ZNF106: variants seen among roughly 807,000 people sequenced by gnomAD.
ZNF106 encodes zinc finger protein 106.
Under a neutral mutation model 195.1 loss-of-function variants are expected in ZNF106, and 67 were observed. That is an observed-to-expected ratio of 0.34 (90% CI 0.28 to 0.42). The LOEUF (loss-of-function observed/expected upper bound fraction) is 0.42. Among genes scored for constraint, ZNF106 ranks in the 10% least tolerant of loss-of-function variants. The pLI, the probability that ZNF106 is intolerant of heterozygous loss-of-function variation, is 1.00. For synonymous variants in ZNF106, 784 were observed against 818.6 expected (o/e 0.96, Z 0.72); for missense variants, 2,118 against 2,304.5 (o/e 0.92, Z 1.66).
chr15:42,449,561 C>T (rs1241601463), intron 5 of ZNF106, among the ~76,000 whole-genome samples: 1 of 152,148 alleles, frequency 6.6e-6, no homozygotes, highest in African/African-American at 2.4e-5. Context: ...AGGTGTGCTT[C>T]CATTTTAACC....
At position 42,415,681 on chromosome 15, in the gene ZNF106, A is replaced by C; in HGVS notation, c.*1623T>G. On this transcript the variant is annotated 3_prime_UTR_variant, in exon 22 of 22. Coordinates refer to ENST00000564754, the MANE Select transcript of ZNF106 (RefSeq NM_001366845.3). The stretch of plus-strand genomic sequence containing the variant: ...CAGAGAGCATGAGGCACCATGTCCC[A>C]AAGCTTGGTATGTGGCCCTGGGCTC... 4.4e-6 allele frequency: 1 copy of C among 226,748 alleles called. No individual in the cohort carries two copies. The highest frequency in any genetic ancestry group is 4.9e-5 in the South Asian group (1 of 20,604). The allele number at this position is 226,748 out of a possible 1,614,324, so 14.0% of individuals were successfully genotyped here. A position where few individuals can be genotyped will look rare whatever the true frequency, so the allele number is the denominator to read the frequency against.
intron 20 of ZNF106, among the ~76,000 whole-genome samples, chr15:42,418,155 C>A (rs369255079): frequency 4.6e-5 from 7 of 152,246 alleles, no homozygotes; most frequent in African/African-American, 1.4e-4. Flanking sequence ...CTGGAAAAAT[C>A]TTTTGATATT....
intron 1 of ZNF106, among the ~76,000 whole-genome samples, chr15:42,487,956 C>G (rs1359173587): frequency 6.6e-6 from 1 of 152,074 alleles, no homozygotes; most frequent in African/African-American, 2.4e-5. Context: ...TGTTAAAGAC[C>G]CTTATATGAA....
Position 42,444,849 on chromosome 15 carries a change from C to T in ZNF106, c.3338G>A (p.Arg1113Lys), listed in dbSNP as rs533733453. The T allele has an allele frequency of 1.9e-6, 3 of 1,614,060 alleles. No homozygotes were observed. The South Asian group carries it at 3.3e-5, about 18-fold the overall frequency. ...ALQTAYVEVQ[R>K]LLMLKQQITM... ...TACCTGCTGCTTGAGCATAAGTAGC[C>T]TCTGAACTTCCACATAAGCTGTCTG... is the stretch of plus-strand genomic sequence containing the variant. The change falls in exon 8 of 22, where the codon AGG (arginine) becomes AAG (lysine). Residue 1113 changes from arginine (R) to lysine (K), a missense_variant. Arg to Lys is a conservative substitution (Grantham distance 26, BLOSUM62 2). Coordinates refer to ENST00000564754, the MANE Select transcript of ZNF106 (RefSeq NM_001366845.3).
chr15:42,459,864 C>A (rs538416347), intron 3 of ZNF106, among the ~76,000 whole-genome samples: 21 of 151,830 alleles, frequency 1.4e-4, no homozygotes, highest in South Asian at 4.2e-4. Context: ...TACGGTGAAA[C>A]CCCATCTCTA....
At position 42,415,704 on chromosome 15, in the gene ZNF106, C is replaced by A. The variant is rs982260937; in HGVS notation, c.*1600G>T. The A allele has an allele frequency of 4.6e-5, 8 of 175,250 alleles. No individual in the cohort carries two copies. The highest frequency in any genetic ancestry group is 9.1e-5 in the Non-Finnish European group (8 of 88,248). The allele number at this position is 175,250 out of a possible 1,614,324, so 10.9% of individuals were successfully genotyped here. A position where few individuals can be genotyped will look rare whatever the true frequency, so the allele number is the denominator to read the frequency against. On this transcript the variant is annotated 3_prime_UTR_variant, in exon 22 of 22. Transcript: ENST00000564754. Reference sequence around the variant, plus strand: ...CCAAAGCTTGGTATGTGGCCCTGGGCTCCTCCCCCAATTTTATCTCTCTGA... The same window carrying A: ...CCAAAGCTTGGTATGTGGCCCTGGGATCCTCCCCCAATTTTATCTCTCTGA...
chr15:42,437,165 A>T, intron 13 of ZNF106, 67 bp downstream of exon 13: 1 of 1,522,732 alleles, frequency 6.6e-7, no homozygotes, highest in Non-Finnish European at 8.9e-7. Flanking sequence ...TTTATTGTTT[A>T]AAAAAGTATA....
At chr15:42,426,834 A>T (rs1053824539) in intron 15 of ZNF106, among the ~76,000 whole-genome samples, 2 of 152,236 alleles carry the variant, frequency 1.3e-5, no homozygotes, top group Admixed American at 1.3e-4. Flanking sequence ...AATCAGACTT[A>T]GAACTTGTCT....
At chr15:42,485,843 C>T (rs1438932549) in intron 1 of ZNF106, among the ~76,000 whole-genome samples, 1 of 152,148 alleles carries the variant, frequency 6.6e-6, no homozygotes, top group Non-Finnish European at 1.5e-5. Context: ...AGCCAGTGCT[C>T]CTTAAAATTT....
At chr15:42,452,846 C>T (rs762297295) in intron 4 of ZNF106, among the ~76,000 whole-genome samples, 9 of 151,686 alleles carry the variant, frequency 5.9e-5, no homozygotes, top group Admixed American at 1.3e-4. Context: ...CCACCACACC[C>T]GGCTAATTTT....
Position 42,439,809 on chromosome 15 carries a change from C to G in ZNF106, c.3768G>C (p.Glu1256Asp), listed in dbSNP as rs1019207150. The part of the protein sequence containing the change: ...VSKELLEANR[E>D]ISDSCPVYPV... ...GATAAACTGGACAACTGTCACTGATCTCTCCTGAATTGAGAGGAAAAAAAT... is the reference window on the plus strand; with the variant it reads ...GATAAACTGGACAACTGTCACTGATGTCTCCTGAATTGAGAGGAAAAAAAT... The change falls in exon 11 of 22, where the codon GAG becomes GAC. Residue 1256 changes from glutamate to aspartate, a missense_variant. Physicochemically the swap from Glu to Asp is conservative, Grantham distance 45. Transcript: ENST00000564754. 4.5e-6 allele frequency: 7 copies of G among 1,548,758 alleles called. No individual in the cohort carries two copies. Among genetic ancestry groups the G allele is most frequent in the South Asian group, 1.3e-5 (1 of 79,824 alleles).
intron 13 of ZNF106, among the ~76,000 whole-genome samples, chr15:42,435,883 G>A (rs913859958): frequency 6.6e-6 from 1 of 152,014 alleles, no homozygotes; most frequent in Non-Finnish European, 1.5e-5. Context: ...CATTTGATAA[G>A]CAGTTTGTGA....
At chr15:42,440,663 C>A (rs1464594973) in intron 10 of ZNF106, among the ~76,000 whole-genome samples, 1 of 151,554 alleles carries the variant, frequency 6.6e-6, no homozygotes, top group Non-Finnish European at 1.5e-5. Flanking sequence ...TACTATGTAC[C>A]CACAAAAATT....
intron 3 of ZNF106, among the ~76,000 whole-genome samples, chr15:42,460,280 AC>A (rs2056357645): frequency 6.6e-6 from 1 of 151,990 alleles, no homozygotes; most frequent in Admixed American, 6.6e-5. Flanking sequence ...AACTATCAAA[AC>A]CCCTCGCTCT....
chr15:42,438,792 G>C, intron 11 of ZNF106, 125 bp from the exon 12 acceptor site: 2 of 939,950 alleles, frequency 2.1e-6, no homozygotes, highest in Non-Finnish European at 3.2e-6. Context: ...TAAGAGATTA[G>C]ATTTTCCATC....
chr15:42,470,946 A>T (rs1236850446), intron 2 of ZNF106, among the ~76,000 whole-genome samples: 1 of 152,214 alleles, frequency 6.6e-6, no homozygotes, highest in Non-Finnish European at 1.5e-5. Context: ...CATCACTAAC[A>T]GAAATCTAGA....
intron 1 of ZNF106, among the ~76,000 whole-genome samples, chr15:42,486,488 C>T (rs2057019414): frequency 6.6e-6 from 1 of 151,922 alleles, no homozygotes; most frequent in Admixed American, 6.6e-5. Context: ...CTTGAACTCC[C>T]AGTTTCAAGT....
intron 1 of ZNF106, among the ~76,000 whole-genome samples, chr15:42,479,610 G>C (rs973615357): frequency 6.6e-6 from 1 of 152,038 alleles, no homozygotes; most frequent in African/African-American, 2.4e-5. Flanking sequence ...GGGAGGCCAA[G>C]GCGGGCAGAT....
chr15:42,471,264 C>T (rs1432886869), intron 2 of ZNF106, among the ~76,000 whole-genome samples: 1 of 152,208 alleles, frequency 6.6e-6, no homozygotes, highest in Non-Finnish European at 1.5e-5. Context: ...CCCTGGCTAA[C>T]CTAGCCCATG....
Sources: gnomAD v4.1 joint callset for allele counts (sites outside exome capture counted in the v4.1 genomes callset) on GRCh38, gnomAD v4.1.1 for gene constraint, MANE v1.5 for transcripts, NCBI Gene and HGNC (gene_info 2026-07-23, HGNC 2026-07-21) for gene names.